Variants in GUCY1A2 observed in about 807,000 individuals in gnomAD.
GUCY1A2 encodes guanylate cyclase soluble subunit alpha-2.
A neutral mutation model predicts 63.5 loss-of-function variants in GUCY1A2; 27 were observed. The ratio of observed to expected loss-of-function variants is 0.43; its 90% CI spans 0.31 to 0.59. The LOEUF is 0.59. Ranked by LOEUF, GUCY1A2 falls within the 20% of genes least tolerant of loss-of-function variation. The pLI is 0.11. For missense variants in GUCY1A2, 768 were observed against 913.3 expected, an observed-to-expected ratio of 0.84 and a Z score of 2.05; for synonymous variants, 364 against 343.5, an observed-to-expected ratio of 1.06 and a Z score of -0.66.
intron 6 of GUCY1A2, among the ~76,000 whole-genome samples, chr11:106,773,473 A>AACTATTCTTGT (rs1220523986): frequency 5.3e-4 from 80 of 152,308 alleles, no homozygotes; most frequent in Non-Finnish European, 8.8e-5. Context: ...CTGTTACAAA[A>AACTATTCTTGT]ACTATTCTTG....
intron 4 of GUCY1A2, among the ~76,000 whole-genome samples, chr11:106,863,776 G>A (rs1236804382): frequency 1.3e-5 from 2 of 152,084 alleles, no homozygotes; most frequent in Admixed American, 6.6e-5. Flanking sequence ...AGCATGGAAT[G>A]TTTTTCTATT....
At chr11:106,791,712 C>T (rs10890586) in intron 5 of GUCY1A2, among the ~76,000 whole-genome samples, 28,364 of 152,148 alleles carry the variant, frequency 0.19, 3,030 homozygotes, top group Middle Eastern at 0.26. Context: ...AGTCCCTCTT[C>T]CAGAAGTCAA....
In GUCY1A2 at chr11:106,795,909, G is replaced by A. The variant is rs549403897; in HGVS notation, c.1692+14084C>T. On this transcript the variant is annotated intron_variant, in intron 5 of 7. Coordinates refer to ENST00000526355, the MANE Select transcript of GUCY1A2 (RefSeq NM_000855.3). ...TAGAATCTAATGTTGACAGTGGGGT[G>A]TTAAAATCTCCCACTATTATTGTGT... Among the ~76,000 whole-genome samples the A allele has an allele frequency of 2.6e-5, 4 of 151,396 alleles. No individual in the cohort carries two copies. In the East Asian group the frequency reaches 5.8e-4, roughly 22 times the overall value.
At chr11:106,736,860 G>A (rs1863598546) in intron 6 of GUCY1A2, among the ~76,000 whole-genome samples, 1 of 152,022 alleles carries the variant, frequency 6.6e-6, no homozygotes, top group Non-Finnish European at 1.5e-5. Context: ...ATCTCCAAAC[G>A]TGACACTTAC....
At chr11:106,759,246 T>A (rs1049220643) in intron 6 of GUCY1A2, among the ~76,000 whole-genome samples, 4 of 152,146 alleles carry the variant, frequency 2.6e-5, no homozygotes, top group African/African-American at 9.7e-5. Flanking sequence ...TAAGGCCCAG[T>A]TGAGTTCAAA....
rs1441056491 is a variant in GUCY1A2 at position 106,684,321 on chromosome 11, A to C, written c.*3228T>G. 2 of 189,144 alleles carry C rather than the reference A, an allele frequency of 1.1e-5. No individual in the cohort carries two copies. Among genetic ancestry groups the C allele is most frequent in the African/African-American group, 4.7e-5 (2 of 42,872 alleles). 11.7% of individuals were successfully genotyped at this position (189,144 alleles called of 1,614,324 possible). ...TACTTAAAATATAGAGCAAGAGATG[A>C]ATATAAAGGCAGATTGTACGCAATT... On this transcript the variant is annotated 3_prime_UTR_variant, in exon 8 of 8. Transcript: ENST00000526355.
At chr11:106,916,583 G>C (rs117614907) in intron 4 of GUCY1A2, among the ~76,000 whole-genome samples, 2,266 of 145,638 alleles carry the variant, frequency 0.016, 393 homozygotes, top group South Asian at 0.065. Flanking sequence ...TTTAACTAGA[G>C]TGAAATGCAG....
At chr11:106,984,331 A>T (rs1861374667) in intron 2 of GUCY1A2, among the ~76,000 whole-genome samples, 1 of 152,230 alleles carries the variant, frequency 6.6e-6, no homozygotes, top group African/African-American at 2.4e-5. Context: ...CAATAAACAG[A>T]ACTAGGAAAA....
intron 6 of GUCY1A2, among the ~76,000 whole-genome samples, chr11:106,766,790 G>GCCTTCCTATAT (rs1216375355): frequency 2.0e-5 from 3 of 151,928 alleles, no homozygotes; most frequent in Non-Finnish European, 4.4e-5. Flanking sequence ...TATGCATATA[G>GCCTTCCTATAT]GCTTAAAAGA....
chr11:106,925,581 C>T (rs1419074508), intron 4 of GUCY1A2, among the ~76,000 whole-genome samples: 4 of 152,072 alleles, frequency 2.6e-5, no homozygotes, highest in Non-Finnish European at 4.4e-5. Flanking sequence ...AAGACAAATA[C>T]AATGATTTTT....
At chr11:106,988,612 C>A (rs920212852) in intron 1 of GUCY1A2, among the ~76,000 whole-genome samples, 1 of 152,202 alleles carries the variant, frequency 6.6e-6, no homozygotes, top group African/African-American at 2.4e-5. Flanking sequence ...ATAGTTTCCA[C>A]ATACATTAAA....
chr11:106,961,416 T>C (rs1178512753), intron 3 of GUCY1A2, among the ~76,000 whole-genome samples: 1 of 152,182 alleles, frequency 6.6e-6, no homozygotes, highest in Non-Finnish European at 1.5e-5. Context: ...TGTGGATCTT[T>C]TATTTTTTCC....
chr11:106,782,534 A>C (rs1020700238), intron 5 of GUCY1A2, among the ~76,000 whole-genome samples: 2 of 152,128 alleles, frequency 1.3e-5, no homozygotes, highest in Non-Finnish European at 2.9e-5. Flanking sequence ...AAAGGATGCC[A>C]TATTTCCCTT....
At chr11:106,859,177 T>C (rs1217611924) in intron 4 of GUCY1A2, among the ~76,000 whole-genome samples, 1 of 151,980 alleles carries the variant, frequency 6.6e-6, no homozygotes, top group Non-Finnish European at 1.5e-5. Context: ...TAATCTTACA[T>C]CTACAATTCA....
At chr11:106,727,887 C>T (rs1863434899) in intron 6 of GUCY1A2, among the ~76,000 whole-genome samples, 1 of 152,056 alleles carries the variant, frequency 6.6e-6, no homozygotes, top group South Asian at 2.1e-4. Context: ...TTCAAATTTC[C>T]AATACACAGC....
At chr11:106,846,610 A>G (rs912193847) in intron 4 of GUCY1A2, among the ~76,000 whole-genome samples, 6 of 151,592 alleles carry the variant, frequency 4.0e-5, no homozygotes, top group African/African-American at 1.5e-4. Flanking sequence ...TTCAGGGGAA[A>G]CATTTTGATT....
chr11:106,748,928 T>TTTGTC lies in GUCY1A2; in HGVS notation c.1836+27506_1836+27510dup, dbSNP rs530803941. On this transcript the variant is annotated intron_variant, in intron 6 of 7. Transcript: ENST00000526355. ...CAGCAAGGGTATTATTTCATAAATT[T>TTTGTC]TTGTCTCTGTATGCCCAGTAGAATC... 1.3e-3 allele frequency among the ~76,000 whole-genome samples: 203 copies of TTTGTC among 152,220 alleles called. 3 individuals carry two copies. Among genetic ancestry groups the TTTGTC allele is most frequent in the African/African-American group, 4.5e-3 (186 of 41,570 alleles).
At chr11:107,003,341 G>C (rs1861633247) in intron 1 of GUCY1A2, among the ~76,000 whole-genome samples, 1 of 152,056 alleles carries the variant, frequency 6.6e-6, no homozygotes, top group African/African-American at 2.4e-5. Context: ...CAACCACTGG[G>C]TCCTTGCTCC....
intron 4 of GUCY1A2, among the ~76,000 whole-genome samples, chr11:106,880,900 TACC>T: frequency 6.6e-6 from 1 of 152,130 alleles, no homozygotes; most frequent in East Asian, 1.9e-4. Flanking sequence ...ATTTGGGAAA[TACC>T]AATACAGTAG....
Sources: allele counts gnomAD v4.1 joint callset (sites outside exome capture counted in the v4.1 genomes callset), GRCh38; gene constraint gnomAD v4.1.1; transcripts MANE v1.5; gene names NCBI Gene and HGNC (gene_info 2026-07-23, HGNC 2026-07-21).